LUZP2: variants seen among roughly 807,000 people sequenced by gnomAD.
LUZP2 encodes leucine zipper protein 2.
A neutral mutation model predicts 51.6 loss-of-function variants in LUZP2; 52 were observed. The observed-to-expected ratio is 1.01, with a 90% CI of 0.81 to 1.27. The LOEUF (loss-of-function observed/expected upper bound fraction) is 1.27. Ranked by LOEUF, LUZP2 falls within the 50% of genes most tolerant of loss-of-function variation. LUZP2 has a pLI of 0.00. For missense variants in LUZP2, 436 were observed against 395.4 expected, an observed-to-expected ratio of 1.10 and a Z score of -0.87; for synonymous variants, 154 against 137.3, an observed-to-expected ratio of 1.12 and a Z score of -0.85.
At chr11:24,717,684 G>A (rs1485277167) in intron 1 of LUZP2, among the ~76,000 whole-genome samples, 2 of 151,920 alleles carry the variant, frequency 1.3e-5, no homozygotes, top group Non-Finnish European at 2.9e-5. Flanking sequence ...GAAAGTGCTG[G>A]GATTACAGGC....
intron 1 of LUZP2, among the ~76,000 whole-genome samples, chr11:24,609,411 C>T (rs1215564693): frequency 6.6e-6 from 1 of 152,008 alleles, no homozygotes; most frequent in African/African-American, 2.4e-5. Context: ...CAACTGAGTG[C>T]TCTAGGAAAC....
intron 1 of LUZP2, among the ~76,000 whole-genome samples, chr11:24,695,554 C>G (rs113268213): frequency 3.9e-5 from 6 of 151,924 alleles, no homozygotes; most frequent in East Asian, 1.9e-4. Flanking sequence ...CTGTAGTACA[C>G]GAGAACTTAT....
chr11:24,610,416 C>T (rs906527794), intron 1 of LUZP2, among the ~76,000 whole-genome samples: 1 of 152,114 alleles, frequency 6.6e-6, no homozygotes, highest in Non-Finnish European at 1.5e-5. Flanking sequence ...TCAGGTTTAA[C>T]AAAGACATTT....
chr11:25,029,077 G>A (rs913418527), intron 9 of LUZP2, among the ~76,000 whole-genome samples: 1 of 152,140 alleles, frequency 6.6e-6, no homozygotes, highest in Non-Finnish European at 1.5e-5. Flanking sequence ...GCTACCAGAG[G>A]CTGGGAAGGG....
At chr11:24,983,837 C>G (rs1385177791) in intron 9 of LUZP2, among the ~76,000 whole-genome samples, 2 of 142,828 alleles carry the variant, frequency 1.4e-5, no homozygotes, top group African/African-American at 5.2e-5. Flanking sequence ...TTGAGTTAGA[C>G]TCCAGTTATC....
intron 9 of LUZP2, among the ~76,000 whole-genome samples, chr11:25,011,423 T>A (rs1320554800): frequency 3.3e-5 from 5 of 152,170 alleles, no homozygotes; most frequent in Admixed American, 3.3e-4. Flanking sequence ...ATGTATATGC[T>A]GTGAATTTCA....
chr11:24,697,548 G>A (rs1165046536), intron 1 of LUZP2, among the ~76,000 whole-genome samples: 3 of 152,112 alleles, frequency 2.0e-5, no homozygotes, highest in African/African-American at 7.2e-5. Context: ...GATAACCATG[G>A]AAGAAATTTA....
chr11:24,870,786 T>G (rs1852046446), intron 5 of LUZP2, among the ~76,000 whole-genome samples: 1 of 152,108 alleles, frequency 6.6e-6, no homozygotes, highest in African/African-American at 2.4e-5. Context: ...AAACACAAGA[T>G]TCATTCTATT....
At position 24,903,113 on chromosome 11, in the gene LUZP2, G is replaced by T. The variant is rs112660559; in HGVS notation, c.397-2878G>T. ...ACATCCCCTATTTTGTCTCCATTTT[G>T]AAGAGTTTTATTTTGCTACAACCTG... On this transcript the variant is annotated intron_variant, in intron 5 of 11. Coordinates refer to ENST00000336930, the MANE Select transcript of LUZP2 (RefSeq NM_001009909.4). Among the ~76,000 whole-genome samples, 18 of 152,146 alleles carry T rather than the reference G, an allele frequency of 1.2e-4. 1 individual carries two copies. Among genetic ancestry groups the T allele is most frequent in the African/African-American group, 4.3e-4 (18 of 41,508 alleles).
intron 6 of LUZP2, among the ~76,000 whole-genome samples, chr11:24,912,879 CATATACATGCATTGTAAGCTTGGAAA>C (rs1211902720): frequency 1.1e-4 from 16 of 152,230 alleles, no homozygotes; most frequent in African/African-American, 3.4e-4. Flanking sequence ...CAGTGGAAAA[CATATACATGCATTGTAAGCTTGGAAA>C]ATTATATTTC....
At chr11:25,015,098 T>C (rs1448730784) in intron 9 of LUZP2, among the ~76,000 whole-genome samples, 1 of 152,190 alleles carries the variant, frequency 6.6e-6, no homozygotes, top group East Asian at 1.9e-4. Context: ...ATTTTTGTCA[T>C]GTATAATTTT....
intron 4 of LUZP2, among the ~76,000 whole-genome samples, chr11:24,747,323 G>T (rs1274398165): frequency 1.3e-5 from 2 of 152,180 alleles, no homozygotes; most frequent in African/African-American, 4.8e-5. Flanking sequence ...TCTCTTCTGG[G>T]TCTAGCCACC....
chr11:24,793,053 G>A (rs914982473), intron 5 of LUZP2, among the ~76,000 whole-genome samples: 6 of 152,092 alleles, frequency 3.9e-5, no homozygotes, highest in African/African-American at 1.4e-4. Flanking sequence ...TTTTAGCTGA[G>A]CAAATTATTA....
intron 7 of LUZP2, among the ~76,000 whole-genome samples, chr11:24,924,879 G>C (rs1387230341): frequency 2.0e-5 from 3 of 152,076 alleles, no homozygotes; most frequent in Admixed American, 6.5e-5. Flanking sequence ...TTAAGATAAG[G>C]GTTTGTGGAT....
At chr11:24,804,416 G>A (rs1440375874) in intron 5 of LUZP2, among the ~76,000 whole-genome samples, 3 of 152,058 alleles carry the variant, frequency 2.0e-5, no homozygotes, top group Non-Finnish European at 4.4e-5. Flanking sequence ...ATATTAACAA[G>A]AGAAAAACAC....
At chr11:24,567,951 T>A (rs2133792224) in intron 1 of LUZP2, among the ~76,000 whole-genome samples, 1 of 152,126 alleles carries the variant, frequency 6.6e-6, no homozygotes. Flanking sequence ...CATATTTTCT[T>A]CTTTCTTCTC....
At chr11:24,937,939 A>G (rs1273192667) in intron 7 of LUZP2, among the ~76,000 whole-genome samples, 1 of 151,698 alleles carries the variant, frequency 6.6e-6, no homozygotes, top group Non-Finnish European at 1.5e-5. Context: ...AAAATACGTC[A>G]TATGTTCTTA....
chr11:24,503,542 T>G (rs939110075), intron 1 of LUZP2, among the ~76,000 whole-genome samples: 1 of 152,228 alleles, frequency 6.6e-6, no homozygotes, highest in Non-Finnish European at 1.5e-5. Flanking sequence ...TGCAATTATG[T>G]CTGAATTGTT....
At chr11:25,008,534 G>A (rs1418697045) in intron 9 of LUZP2, among the ~76,000 whole-genome samples, 1 of 152,172 alleles carries the variant, frequency 6.6e-6, no homozygotes. Flanking sequence ...GCAGCTTGGT[G>A]AACTGGGGCA....
Sources: gnomAD v4.1 joint callset for allele counts (sites outside exome capture counted in the v4.1 genomes callset) on GRCh38, gnomAD v4.1.1 for gene constraint, MANE v1.5 for transcripts, NCBI Gene and HGNC (gene_info 2026-07-23, HGNC 2026-07-21) for gene names.